The following ZNF600 variants were observed in gnomAD, a reference collection of about 807,000 sequenced individuals.
ZNF600 encodes zinc finger protein 600, also known as zinc finger protein KR-ZNF1.
ZNF600 carries 4 observed loss-of-function variants against 7.3 expected under a neutral mutation model. That is an observed-to-expected ratio of 0.55 (90% CI 0.27 to 1.25). The LOEUF is 1.25. ZNF600 is among the 50% of genes most tolerant of loss of function. The pLI is 0.12. For synonymous variants in ZNF600, 290 were observed against 308.9 expected (o/e 0.94, Z 0.64); for missense variants, 911 against 922.1 (o/e 0.99, Z 0.16).
At chr19:52,795,229 G>A in the ZNF600 span, among the ~76,000 whole-genome samples, 9 of 152,160 alleles carry the variant, frequency 5.9e-5, 1 homozygote, top group Non-Finnish European at 1.3e-4. Flanking sequence ...ATGACATAAA[G>A]AAAATGGAAT....
intron 1 of ZNF600, among the ~76,000 whole-genome samples, chr19:52,782,522 CAA>C (rs112059475): frequency 5.6e-5 from 7 of 126,042 alleles, no homozygotes; most frequent in African/African-American, 5.4e-5. Flanking sequence ...AAACTGCATC[CAA>C]AAAAAAAAAA....
the ZNF600 span, among the ~76,000 whole-genome samples, chr19:52,809,588 A>C: frequency 5.4e-4 from 82 of 152,296 alleles, no homozygotes; most frequent in African/African-American, 2.0e-3. Flanking sequence ...CGGGTGAATA[A>C]CCAGGTCAAG....
the ZNF600 span, chr19:52,800,999 G>T: frequency 6.2e-7 from 1 of 1,613,910 alleles, no homozygotes; most frequent in Admixed American, 1.7e-5. Context: ...GGGATGTATT[G>T]TGACCAAAGA....
chr19:52,821,359 G>A, the ZNF600 span, among the ~76,000 whole-genome samples: 587 of 151,694 alleles, frequency 3.9e-3, 3 homozygotes, highest in African/African-American at 0.012. Flanking sequence ...GAGATAGGAA[G>A]TGTATACATT....
rs548483485 is a variant in ZNF600, at chr19:52,780,385, G to C, written c.-19-1478C>G. 8.9e-4 allele frequency among the ~76,000 whole-genome samples: 135 copies of C among 152,230 alleles called. 1 individual carries two copies. Among genetic ancestry groups the C allele is most frequent in the Admixed American group, 3.7e-3 (57 of 15,284 alleles). On this transcript the variant is annotated intron_variant, in intron 1 of 3. Transcript: ENST00000648973. ...GGCTGCTTGTCACTTGCAGCTGAGG[G>C]GAAGAGAGTCCTAGAGAGAGGGACA...
the ZNF600 span, among the ~76,000 whole-genome samples, chr19:52,810,946 G>A: frequency 7.9e-6 from 1 of 126,906 alleles, no homozygotes; most frequent in Non-Finnish European, 1.6e-5. Context: ...CCGAGCCAAA[G>A]CTGGACGGTA....
At chr19:52,811,757 A>G in the ZNF600 span, among the ~76,000 whole-genome samples, 1 of 141,586 alleles carries the variant, frequency 7.1e-6, no homozygotes, top group East Asian at 2.2e-4. Context: ...TCCGGGAGGG[A>G]GGTCGGGGGG....
intron 1 of ZNF600, among the ~76,000 whole-genome samples, chr19:52,781,865 A>C (rs568570765): frequency 5.9e-5 from 9 of 152,238 alleles, no homozygotes; most frequent in African/African-American, 2.2e-4. Context: ...GCTCGAGACC[A>C]ACCTGGCCAA....
chr19:52,810,497 T>C, the ZNF600 span: 44 of 1,585,874 alleles, frequency 2.8e-5, 1 homozygote, highest in Middle Eastern at 3.3e-4. Context: ...TGAGTCCCTA[T>C]TTAGAGGAAG....
chr19:52,823,030 G>A, the ZNF600 span, among the ~76,000 whole-genome samples: 5 of 152,086 alleles, frequency 3.3e-5, no homozygotes, highest in African/African-American at 9.7e-5. Flanking sequence ...TCCATTCAAG[G>A]CCAGTGCATA....
rs761625432 is a variant in ZNF600 at position 52,767,789 on chromosome 19, A to C, written c.191-17T>G. On this transcript the variant is annotated splice_polypyrimidine_tract_variant and intron_variant, in intron 3 of 3. Transcript: ENST00000648973. ...AAGAGATATCTACAAAATATAAACA[A>C]CAATAGGTTTCCAATTAAGTACAGA... 1.2e-5 allele frequency: 18 copies of C among 1,536,334 alleles called. No individual in the cohort carries two copies. The highest frequency in any genetic ancestry group is 3.9e-5 in the South Asian group (3 of 76,072).
intron 1 of ZNF600, among the ~76,000 whole-genome samples, chr19:52,779,409 T>C (rs1219462249): frequency 1.3e-5 from 2 of 152,210 alleles, no homozygotes; most frequent in African/African-American, 2.4e-5. Context: ...TAGACTCTAA[T>C]GTGAAGCCAG....
At chr19:52,777,124 T>TA (rs201584070) in intron 2 of ZNF600, among the ~76,000 whole-genome samples, 2,042 of 152,288 alleles carry the variant, frequency 0.013, 17 homozygotes, top group Non-Finnish European at 0.023. Flanking sequence ...CTCAGGCCTG[T>TA]AATCCCAGCA....
intron 1 of ZNF600, among the ~76,000 whole-genome samples, 180 bp from the exon 2 acceptor site, chr19:52,781,644 C>T (rs1429335568): frequency 3.9e-5 from 6 of 152,004 alleles, no homozygotes; most frequent in African/African-American, 2.4e-5. Flanking sequence ...CATGCATCTG[C>T]GGTCCCAGCT....
the ZNF600 span, among the ~76,000 whole-genome samples, chr19:52,829,546 G>GT: frequency 1.5e-5 from 2 of 134,198 alleles, no homozygotes; most frequent in East Asian, 4.4e-4. Flanking sequence ...AGCTAATTTT[G>GT]TATTTGTAGT....
intron 1 of ZNF600, 72 bp from the exon 4 acceptor site, chr19:52,778,979 C>G (rs1254586715): frequency 2.2e-6 from 3 of 1,383,078 alleles, no homozygotes; most frequent in Non-Finnish European, 2.9e-6. Flanking sequence ...ACCACATGAA[C>G]AGGGGAGACC....
At chr19:52,773,320 G>T (rs928432857) in intron 3 of ZNF600, among the ~76,000 whole-genome samples, 3 of 152,148 alleles carry the variant, frequency 2.0e-5, no homozygotes, top group African/African-American at 7.2e-5. Context: ...TACAATATGG[G>T]CAAGGGACAA....
At chr19:52,813,277 A>C in the ZNF600 span, among the ~76,000 whole-genome samples, 4 of 138,544 alleles carry the variant, frequency 2.9e-5, no homozygotes, top group African/African-American at 1.1e-4. Flanking sequence ...AAAAAGACAT[A>C]CTGTGGAAGG....
At chr19:52,823,734 A>G in the ZNF600 span, among the ~76,000 whole-genome samples, 1 of 152,246 alleles carries the variant, frequency 6.6e-6, no homozygotes, top group South Asian at 2.1e-4. Context: ...TCCTTGGGTC[A>G]TTAAACTGAA....
Sources: gnomAD v4.1 joint callset for allele counts (sites outside exome capture counted in the v4.1 genomes callset) on GRCh38, gnomAD v4.1.1 for gene constraint, MANE v1.5 for transcripts, NCBI Gene and HGNC (gene_info 2026-07-23, HGNC 2026-07-21) for gene names.